The following SI variants were observed in gnomAD, a reference collection of about 807,000 sequenced individuals.
The protein encoded by SI is sucrase-isomaltase.
A neutral mutation model predicts 253.3 loss-of-function variants in SI; 235 were observed. The ratio of observed to expected loss-of-function variants is 0.93; its 90% confidence interval spans 0.83 to 1.03. The LOEUF (loss-of-function observed/expected upper bound fraction) is 1.03, where lower values mean the gene tolerates loss of function less well. SI is among the 50% of genes least tolerant of loss of function. The pLI, the probability that SI is intolerant of heterozygous loss-of-function variation, is 0.00. For missense variants in SI, 2,442 were observed against 2,211.1 expected (o/e 1.10, Z -2.09); for synonymous variants, 819 against 712.0 (o/e 1.15, Z -2.39).
At chr3:165,006,545 A>C (rs1718518957) in intron 37 of SI, among the ~76,000 whole-genome samples, 1 of 152,172 alleles carries the variant, frequency 6.6e-6, no homozygotes, top group East Asian at 1.9e-4. Flanking sequence ...TTGGCCAGGC[A>C]CTATGCTGGG....
At chr3:164,994,756 C>T (rs1331274001) in intron 40 of SI, among the ~76,000 whole-genome samples, 1 of 151,440 alleles carries the variant, frequency 6.6e-6, no homozygotes, top group East Asian at 1.9e-4. Context: ...GATAGGCTAT[C>T]CAAAGTCGAT....
chr3:165,079,101 A>G (rs1415993195), upstream of SI, among the ~76,000 whole-genome samples: 5 of 151,620 alleles, frequency 3.3e-5, no homozygotes, highest in Non-Finnish European at 7.4e-5. Context: ...AAAAAATCAT[A>G]TTGTAAACCT....
the SI span, among the ~76,000 whole-genome samples, chr3:165,085,894 C>T: frequency 1.3e-5 from 2 of 152,068 alleles, no homozygotes. Flanking sequence ...TCTATAGCTA[C>T]AATATGACAT....
At chr3:165,054,700 T>G (rs1478576794) in intron 13 of SI, among the ~76,000 whole-genome samples, 1 of 152,132 alleles carries the variant, frequency 6.6e-6, no homozygotes, top group African/African-American at 2.4e-5. Flanking sequence ...ATTCTGTTTG[T>G]TGCTTTTTTG....
chr3:165,051,987 A>T (rs1713456092), intron 13 of SI, among the ~76,000 whole-genome samples: 1 of 152,050 alleles, frequency 6.6e-6, no homozygotes, highest in South Asian at 2.1e-4. Flanking sequence ...CCAAGAATAT[A>T]AATTATTAAC....
At position 164,984,833 on chromosome 3, in the gene SI, C is replaced by T. The variant is rs111378337; in HGVS notation, c.5198-1782G>A. 9.9e-4 allele frequency among the ~76,000 whole-genome samples: 151 copies of T among 152,158 alleles called. 1 individual carries two copies. In the Middle Eastern group the frequency reaches 0.017, roughly 17 times the overall value. On this transcript the variant is annotated intron_variant, in intron 45 of 47. Coordinates refer to ENST00000264382, the MANE Select transcript of SI (RefSeq NM_001041.4). ...AAGACATCATTTCAGATTGGATGCC[C>T]ATCAACTAGATTGTTGTGTTTGCTG...
intron 3 of SI, among the ~76,000 whole-genome samples, chr3:165,070,270 CAT>C (rs1462700685): frequency 1.4e-5 from 2 of 138,452 alleles, no homozygotes; most frequent in Admixed American, 7.8e-5. Flanking sequence ...AATAAATATA[CAT>C]ATATGATTAT....
intron 8 of SI, 97 bp downstream of exon 8, chr3:165,063,345 T>C (rs1714070740): frequency 1.6e-6 from 1 of 634,806 alleles, no homozygotes; most frequent in Non-Finnish European, 2.9e-6. Flanking sequence ...ATAATAGAGT[T>C]TACTCTCACA....
intron 12 of SI, among the ~76,000 whole-genome samples, chr3:165,055,869 G>A (rs1232504295): frequency 6.6e-6 from 1 of 152,036 alleles, no homozygotes; most frequent in African/African-American, 2.4e-5. Flanking sequence ...TGTAATTAAA[G>A]TCATTTTGCA....
At chr3:165,060,394 C>G (rs530974216) in intron 9 of SI, among the ~76,000 whole-genome samples, 1 of 151,960 alleles carries the variant, frequency 6.6e-6, no homozygotes, top group African/African-American at 2.4e-5. Flanking sequence ...CACCACACTC[C>G]TATTTTCTAT....
intron 28 of SI, 86 bp downstream of exon 28, chr3:165,019,516 C>T: frequency 8.1e-7 from 1 of 1,229,574 alleles, no homozygotes; most frequent in Non-Finnish European, 1.2e-6. Context: ...TTACTTCAAT[C>T]CTAAAGCACA....
At chr3:165,076,044 G>A (rs988475382) in intron 1 of SI, 32 bp from the exon 2 acceptor site, 2 of 1,360,480 alleles carry the variant, frequency 1.5e-6, no homozygotes, top group South Asian at 2.7e-5. Context: ...TATTTAAAAT[G>A]TAAAATATAT....
intron 37 of SI, among the ~76,000 whole-genome samples, chr3:165,001,917 C>T (rs1718273421): frequency 6.6e-6 from 1 of 151,460 alleles, no homozygotes; most frequent in Admixed American, 6.6e-5. Context: ...TTCCAAGTTG[C>T]AAATTATCCC....
At chr3:165,023,026 C>T (rs918468154) in intron 26 of SI, among the ~76,000 whole-genome samples, 2 of 151,338 alleles carry the variant, frequency 1.3e-5, no homozygotes, top group Non-Finnish European at 1.5e-5. Context: ...GTTGCCATTT[C>T]TGCTTCTAAA....
intron 13 of SI, among the ~76,000 whole-genome samples, chr3:165,053,429 A>T (rs577059662): frequency 1.3e-5 from 2 of 152,306 alleles, no homozygotes; most frequent in East Asian, 3.9e-4. Context: ...AGAAAGTGAA[A>T]TAATTAGATA....
At chr3:164,999,691 T>G (rs1718174140) in intron 37 of SI, among the ~76,000 whole-genome samples, 2 of 151,676 alleles carry the variant, frequency 1.3e-5, no homozygotes, top group African/African-American at 2.4e-5. Context: ...TCAAGTGCTA[T>G]ACTTTAATCT....
At chr3:164,996,873 C>T (rs1718037413) in intron 38 of SI, 101 bp from the exon 39 acceptor site, 1 of 607,686 alleles carries the variant, frequency 1.6e-6, no homozygotes, top group Non-Finnish European at 2.6e-6. Flanking sequence ...TTAATATCAA[C>T]CTCCAAACCT....
intron 19 of SI, 59 bp from the exon 20 acceptor site, chr3:165,039,193 A>C (rs978242596): frequency 8.4e-7 from 1 of 1,192,390 alleles, no homozygotes; most frequent in African/African-American, 1.5e-5. Flanking sequence ...GGATCTTATC[A>C]AATATTAAGT....
rs553647096 is a variant in SI, at chr3:164,998,642, T to C, written c.4438A>G (p.Ile1480Val). Residue 1480 changes from isoleucine (I) to valine (V), a missense_variant, in exon 38 of 48, where the codon ATT becomes GTT. Transcript: ENST00000264382. ...ALQKTTGKRG[I>V]VISRSTYPTS... The stretch of plus-strand genomic sequence containing the variant: ...GGATACGTGGAACGAGAAATTACAA[T>C]CCCTCTTTTTCCAGTTGTCTTCTGC... 6.2e-7 allele frequency: 1 copy of C among 1,611,644 alleles called. No individual in the cohort carries two copies. The highest frequency in any genetic ancestry group is 1.1e-5 in the South Asian group (1 of 91,050).
Sources: allele counts gnomAD v4.1 joint callset (sites outside exome capture counted in the v4.1 genomes callset), GRCh38; gene constraint gnomAD v4.1.1; transcripts MANE v1.5; gene names NCBI Gene and HGNC (gene_info 2026-07-23, HGNC 2026-07-21).